The following PREX2 variants were observed in gnomAD, a reference collection of about 807,000 sequenced individuals.
The protein encoded by PREX2 is phosphatidylinositol 3,4,5-trisphosphate-dependent Rac exchanger 2 protein.
Under a neutral mutation model 203.2 loss-of-function variants are expected in PREX2, and 107 were observed. The observed-to-expected ratio is 0.53, with a 90% CI of 0.45 to 0.62. PREX2 has a LOEUF of 0.62. Among genes scored for constraint, PREX2 ranks in the 20% least tolerant of loss-of-function variants. PREX2 has a pLI of 0.00. For missense variants in PREX2, 1,777 were observed against 1,955.9 expected (o/e 0.91, Z 1.72); for synonymous variants, 672 against 663.6 (o/e 1.01, Z -0.19).
chr8:68,088,390 G>T (rs917567892), intron 19 of PREX2, among the ~76,000 whole-genome samples: 1 of 152,136 alleles, frequency 6.6e-6, no homozygotes, highest in African/African-American at 2.4e-5. Context: ...GGAAATAACT[G>T]TCAGATCCCA....
Position 68,080,546 on chromosome 8 carries a change from CTT to C in PREX2, c.1747_1748del (p.Leu583LysfsTer9). 1 of 1,609,152 alleles carries C rather than the reference CTT, an allele frequency of 6.2e-7. No individual in the cohort carries two copies. The highest frequency in any genetic ancestry group is 8.5e-7 in the Non-Finnish European group (1 of 1,176,402). Reference sequence around the variant, plus strand: ...TGAAACATCGACTTATGAAACATGACTTAAAAGTTGTGGAAAATGTTATAGCT... The same window carrying C: ...TGAAACATCGACTTATGAAACATGACAAAAGTTGTGGAAAATGTTATAGCT... ...NMKHRLMKHD[L>X]KVVENVIAKS... On this transcript the variant is annotated frameshift_variant, in exon 16 of 40. Transcript: ENST00000288368. LOFTEE classifies it high-confidence loss of function.
At chr8:68,231,159 A>G (rs1813158694) in intron 39 of PREX2, among the ~76,000 whole-genome samples, 174 bp from the exon 40 acceptor site, 2 of 152,188 alleles carry the variant, frequency 1.3e-5, no homozygotes, top group African/African-American at 2.4e-5. Context: ...TCTAAATCAT[A>G]GAATCTAATT....
intron 31 of PREX2, among the ~76,000 whole-genome samples, chr8:68,128,171 G>C (rs989763357): frequency 6.6e-6 from 1 of 152,174 alleles, no homozygotes; most frequent in Non-Finnish European, 1.5e-5. Flanking sequence ...TTAGCCTGCT[G>C]TGCGTCTCTT....
Position 67,987,017 on chromosome 8 carries a change from G to A in PREX2, c.142-30829G>A, listed in dbSNP as rs564249397. ...AAATACAAAAAATTAGCCGGGCACG[G>A]TGTCAGGTGCCTGTAGTCCCAGCTA... On this transcript the variant is annotated intron_variant, in intron 1 of 39. Coordinates refer to ENST00000288368, the MANE Select transcript of PREX2 (RefSeq NM_024870.4). Among the ~76,000 whole-genome samples the A allele has an allele frequency of 6.6e-5, 10 of 151,896 alleles. No homozygotes were observed. The East Asian group carries it at 1.6e-3, about 24-fold the overall frequency.
intron 1 of PREX2, among the ~76,000 whole-genome samples, chr8:68,004,338 T>A (rs35985550): frequency 0.49 from 73,990 of 152,188 alleles, 18,952 homozygotes; most frequent in East Asian, 0.59. Context: ...ATCTTTGCTA[T>A]GACTATTTAT....
Position 68,044,506 on chromosome 8 carries a change from G to A in PREX2, c.859G>A (p.Ala287Thr). 6.2e-7 allele frequency: 1 copy of A among 1,611,758 alleles called. No individual in the cohort carries two copies. The highest frequency in any genetic ancestry group is 8.5e-7 in the Non-Finnish European group (1 of 1,178,138). The change falls in exon 8 of 40, where the codon GCA (alanine) becomes ACA (threonine). Residue 287 changes from alanine (A) to threonine (T), a missense_variant. Coordinates refer to ENST00000288368, the MANE Select transcript of PREX2 (RefSeq NM_024870.4). ...CTTAAGACGGTTGAAGAACAGCAAGGCATCTACAGATGGACATCGGTACCT... is the reference window on the plus strand; with the variant it reads ...CTTAAGACGGTTGAAGAACAGCAAGACATCTACAGATGGACATCGGTACCT... Reference protein sequence around the residue: ...RKHRRLKNSKASTDGHRYLFR... With the variant: ...RKHRRLKNSKTSTDGHRYLFR...
chr8:68,022,872 G>A (rs932077606), intron 4 of PREX2, among the ~76,000 whole-genome samples: 6 of 152,074 alleles, frequency 3.9e-5, no homozygotes, highest in Non-Finnish European at 8.8e-5. Context: ...TTATAGAAGT[G>A]GACTCATACA....
chr8:68,123,033 G>GTTCAGATATTCAGTGATCAGATATT (rs1213040283), intron 30 of PREX2, among the ~76,000 whole-genome samples: 1 of 152,052 alleles, frequency 6.6e-6, no homozygotes, highest in Non-Finnish European at 1.5e-5. Flanking sequence ...TTTGATCAGT[G>GTTCAGATATTCAGTGATCAGATATT]CTGAGTTCAG....
intron 6 of PREX2, among the ~76,000 whole-genome samples, chr8:68,037,950 C>G (rs1174549667): frequency 6.6e-6 from 1 of 152,134 alleles, no homozygotes; most frequent in Non-Finnish European, 1.5e-5. Flanking sequence ...AATCTCTTAA[C>G]AGTGGTTCTG....
At chr8:68,119,585 A>T (rs1054674795) in intron 28 of PREX2, 71 bp downstream of exon 28, 4 of 1,093,510 alleles carry the variant, frequency 3.7e-6, no homozygotes, top group Admixed American at 1.7e-5. Flanking sequence ...CATATGCAGT[A>T]AAAGGAGCTC....
intron 17 of PREX2, 32 bp from the exon 18 acceptor site, chr8:68,083,208 C>T (rs760528240): frequency 3.3e-6 from 5 of 1,514,232 alleles, no homozygotes; most frequent in Middle Eastern, 1.8e-4. Flanking sequence ...TTAAAATATA[C>T]TTTGACTTAT....
Position 68,080,473 on chromosome 8 carries a change from C to A in PREX2, c.1673C>A (p.Pro558His). ...GAAAAAAGCGAATTCAAAGATGAAC[C>A]CCTACTTTTCCGTTTTTTTTCGGAT... ...VLEKSEFKDE[P>H]LLFRFFSDEE... Residue 558 changes from proline to histidine, a missense_variant, in exon 16 of 40, where the codon CCC becomes CAC. Pro to His is a moderately conservative substitution (Grantham distance 77, BLOSUM62 -2). Transcript: ENST00000288368. 6.2e-7 allele frequency: 1 copy of A among 1,611,176 alleles called. No homozygotes were observed. The highest frequency in any genetic ancestry group is 8.5e-7 in the Non-Finnish European group (1 of 1,178,614).
At chr8:68,056,601 C>T (rs1251407790) in intron 10 of PREX2, among the ~76,000 whole-genome samples, 1 of 104,794 alleles carries the variant, frequency 9.5e-6, no homozygotes, top group Non-Finnish European at 1.8e-5. Context: ...AGGTTAGCTG[C>T]CTTCAGGTAG....
chr8:68,022,741 A>G (rs1430714653), intron 4 of PREX2, among the ~76,000 whole-genome samples: 2 of 152,004 alleles, frequency 1.3e-5, no homozygotes, highest in Non-Finnish European at 2.9e-5. Flanking sequence ...TCATTTTTAG[A>G]TCATTTTTGT....
chr8:67,995,120 A>G (rs1408062985), intron 1 of PREX2, among the ~76,000 whole-genome samples: 3 of 151,944 alleles, frequency 2.0e-5, no homozygotes, highest in Non-Finnish European at 4.4e-5. Context: ...ACTGCCCTTC[A>G]TACATACTGG....
rs542809942 is a variant in PREX2 at position 68,146,380 on chromosome 8, T to A, written c.4231+28T>A. On this transcript the variant is annotated intron_variant, in intron 34 of 39. Coordinates refer to ENST00000288368, the MANE Select transcript of PREX2 (RefSeq NM_024870.4). ...AAACTGTTTCTCTTTTGATGGCTGC[T>A]ATACTTTAATTATTTTATCTTTATT... The A allele has an allele frequency of 3.9e-6, 6 of 1,554,338 alleles. No individual in the cohort carries two copies. In the South Asian group the frequency reaches 7.3e-5, roughly 19 times the overall value.
chr8:68,208,367 G>C lies in PREX2; in HGVS notation c.4605-9249G>C, dbSNP rs866149237. On this transcript the variant is annotated intron_variant, in intron 37 of 39. Transcript: ENST00000288368. ...AATAAGTCATAAATCACGAAACAAA[G>C]ATTTTTGGAAAGCAATAATTTTAAT... is the stretch of plus-strand genomic sequence containing the variant. Among the ~76,000 whole-genome samples the C allele has an allele frequency of 1.8e-4, 27 of 151,800 alleles. 1 individual carries two copies. The highest frequency in any genetic ancestry group is 6.5e-4 in the African/African-American group (27 of 41,300).
At position 68,231,900 on chromosome 8, in the gene PREX2, G is replaced by T. The variant is rs1813177106; in HGVS notation, c.*522G>T. 2 of 153,016 alleles carry T rather than the reference G, an allele frequency of 1.3e-5. No individual in the cohort carries two copies. The highest frequency in any genetic ancestry group is 3.3e-3 in the Middle Eastern group (1 of 300). 9.5% of individuals were successfully genotyped at this position (153,016 alleles called of 1,614,324 possible). On this transcript the variant is annotated 3_prime_UTR_variant, in exon 40 of 40. Transcript: ENST00000288368. Reference sequence around the variant, plus strand: ...CATTTTCAGTCCCCCATTTGCAAGAGAGAAAGTCATTAATGTGTAAAAGGT... The same window carrying T: ...CATTTTCAGTCCCCCATTTGCAAGATAGAAAGTCATTAATGTGTAAAAGGT...
intron 22 of PREX2, among the ~76,000 whole-genome samples, chr8:68,098,938 G>GTATGTGTA (rs1554577009): frequency 9.1e-6 from 1 of 109,820 alleles, no homozygotes; most frequent in Non-Finnish European, 1.8e-5. Context: ...ATATATATGT[G>GTATGTGTA]TATATATATA....
Sources: gnomAD v4.1 joint callset for allele counts (sites outside exome capture counted in the v4.1 genomes callset) on GRCh38, gnomAD v4.1.1 for gene constraint, MANE v1.5 for transcripts, NCBI Gene and HGNC (gene_info 2026-07-23, HGNC 2026-07-21) for gene names.